ATG10: variants seen among roughly 807,000 people sequenced by gnomAD.
ATG10 encodes the protein ubiquitin-like-conjugating enzyme ATG10.
A neutral mutation model predicts 32.1 loss-of-function variants in ATG10; 30 were observed. That is an observed-to-expected ratio of 0.94 (90% CI 0.70 to 1.27). ATG10 has a LOEUF of 1.27. ATG10 is among the 50% of genes most tolerant of loss of function. The pLI is 0.00. For missense variants in ATG10, 233 were observed against 262.3 expected, an observed-to-expected ratio of 0.89 and a Z score of 0.77; for synonymous variants, 87 against 91.5, an observed-to-expected ratio of 0.95 and a Z score of 0.28.
At chr5:82,235,063 G>A (rs1746502341) in intron 5 of ATG10, among the ~76,000 whole-genome samples, 1 of 152,150 alleles carries the variant, frequency 6.6e-6, no homozygotes, top group Non-Finnish European at 1.5e-5. Context: ...TACCTGATCT[G>A]CACAGACTCC....
intron 3 of ATG10, among the ~76,000 whole-genome samples, chr5:82,159,011 A>C (rs890965542): frequency 2.0e-5 from 3 of 152,212 alleles, no homozygotes; most frequent in African/African-American, 7.2e-5. Flanking sequence ...TCTAATTTAT[A>C]ATGAGCACAG....
chr5:82,072,866 A>T (rs941455373), intron 3 of ATG10, among the ~76,000 whole-genome samples: 2 of 152,196 alleles, frequency 1.3e-5, no homozygotes, highest in African/African-American at 4.8e-5. Flanking sequence ...AATGTTATGG[A>T]TAATTACATA....
At chr5:82,247,476 A>G (rs1476457418) in intron 5 of ATG10, among the ~76,000 whole-genome samples, 2 of 152,034 alleles carry the variant, frequency 1.3e-5, no homozygotes, top group African/African-American at 4.8e-5. Flanking sequence ...TAGAATTTCT[A>G]TTTAGTTCTT....
intron 3 of ATG10, among the ~76,000 whole-genome samples, chr5:82,158,428 T>C (rs1310389506): frequency 6.7e-6 from 1 of 150,172 alleles, no homozygotes; most frequent in African/African-American, 2.5e-5. Flanking sequence ...AGGACTATAG[T>C]GGTTGCATCT....
At chr5:82,199,286 T>A (rs553944639) in intron 5 of ATG10, among the ~76,000 whole-genome samples, 27 of 152,368 alleles carry the variant, frequency 1.8e-4, no homozygotes, top group African/African-American at 6.3e-4. Flanking sequence ...AGAATTTGTG[T>A]GCTTGTGAGA....
At chr5:82,013,783 G>T (rs1057000058) in intron 2 of ATG10, among the ~76,000 whole-genome samples, 2 of 151,812 alleles carry the variant, frequency 1.3e-5, no homozygotes, top group Non-Finnish European at 2.9e-5. Context: ...TCATATGTTT[G>T]TTGGCCATTT....
intron 3 of ATG10, among the ~76,000 whole-genome samples, chr5:82,143,946 T>C (rs1205346612): frequency 6.6e-6 from 1 of 152,230 alleles, no homozygotes; most frequent in Non-Finnish European, 1.5e-5. Context: ...GCTTTACCAG[T>C]GAAGCCATCT....
intron 5 of ATG10, among the ~76,000 whole-genome samples, chr5:82,243,545 T>C (rs921305277): frequency 2.0e-5 from 3 of 152,230 alleles, no homozygotes; most frequent in East Asian, 3.9e-4. Flanking sequence ...TAAGAATCCT[T>C]TTTTGGCAGA....
At chr5:82,150,236 T>G (rs77225127) in intron 3 of ATG10, among the ~76,000 whole-genome samples, 1 of 143,798 alleles carries the variant, frequency 7.0e-6, no homozygotes, top group East Asian at 2.0e-4. Context: ...TCTGGAGTTG[T>G]TTTTTTTTTT....
At chr5:82,142,378 A>C (rs1168219791) in intron 3 of ATG10, among the ~76,000 whole-genome samples, 2 of 152,206 alleles carry the variant, frequency 1.3e-5, no homozygotes, top group African/African-American at 4.8e-5. Context: ...TGAGTTGAAC[A>C]AGAAGGATGA....
intron 2 of ATG10, among the ~76,000 whole-genome samples, chr5:82,038,559 A>G (rs145187632): frequency 6.6e-6 from 1 of 152,202 alleles, no homozygotes; most frequent in East Asian, 1.9e-4. Flanking sequence ...AGGTTTTGGA[A>G]TGGTGCTCAA....
At chr5:82,110,134 C>CT (rs997352133) in intron 3 of ATG10, among the ~76,000 whole-genome samples, 163 of 151,970 alleles carry the variant, frequency 1.1e-3, no homozygotes, top group African/African-American at 3.5e-3. Context: ...TGAACTCATC[C>CT]TTTTTTATGG....
intron 3 of ATG10, among the ~76,000 whole-genome samples, chr5:82,127,898 A>G (rs545769766): frequency 5.3e-5 from 8 of 152,092 alleles, no homozygotes; most frequent in Non-Finnish European, 7.4e-5. Context: ...GTCTTCCACT[A>G]TTATTGTGTG....
chr5:82,164,288 T>C (rs1438514014), intron 3 of ATG10, 111 bp from the exon 4 acceptor site: 4 of 1,098,144 alleles, frequency 3.6e-6, no homozygotes, highest in Non-Finnish European at 5.3e-6. Flanking sequence ...CTCATAGCCT[T>C]ATATTTATTT....
At chr5:82,104,151 T>C (rs1765374793) in intron 3 of ATG10, among the ~76,000 whole-genome samples, 1 of 152,166 alleles carries the variant, frequency 6.6e-6, no homozygotes, top group Admixed American at 6.6e-5. Context: ...GGTATGAACA[T>C]TCTTATATAT....
chr5:82,065,025 T>C (rs1193199649), intron 3 of ATG10, among the ~76,000 whole-genome samples: 1 of 152,190 alleles, frequency 6.6e-6, no homozygotes. Context: ...TGGGAAACAG[T>C]AGTTCTTAAA....
At chr5:82,184,596 C>A (rs1029534966) in intron 5 of ATG10, among the ~76,000 whole-genome samples, 2 of 152,078 alleles carry the variant, frequency 1.3e-5, no homozygotes, top group African/African-American at 2.4e-5. Flanking sequence ...AGGACCACAT[C>A]CTGACTTTTG....
At chr5:82,023,498 A>G (rs72776824) in intron 2 of ATG10, among the ~76,000 whole-genome samples, 4,042 of 152,350 alleles carry the variant, frequency 0.027, 79 homozygotes, top group Middle Eastern at 0.044. Context: ...TTTAGAATAC[A>G]TTAAATAAAC....
chr5:81,975,285 A>G (rs1760836804), intron 1 of ATG10, among the ~76,000 whole-genome samples: 1 of 152,196 alleles, frequency 6.6e-6, no homozygotes, highest in African/African-American at 2.4e-5. Context: ...TCTTTACTTA[A>G]AAATTTGATT....
Sources: allele counts gnomAD v4.1 joint callset (sites outside exome capture counted in the v4.1 genomes callset), GRCh38; gene constraint gnomAD v4.1.1; transcripts MANE v1.5; gene names NCBI Gene and HGNC (gene_info 2026-07-23, HGNC 2026-07-21).